HS3ST4: variants seen among roughly 807,000 people sequenced by gnomAD.
HS3ST4 encodes the protein heparan sulfate glucosamine 3-O-sulfotransferase 4.
HS3ST4 carries 17 observed loss-of-function variants against 29.2 expected under a neutral mutation model. That is an observed-to-expected ratio of 0.58 (90% confidence interval 0.40 to 0.87). The LOEUF is 0.87. Ranked by LOEUF, HS3ST4 falls within the 40% of genes least tolerant of loss-of-function variation. The pLI is 0.00. For synonymous variants in HS3ST4, 314 were observed against 285.7 expected, an observed-to-expected ratio of 1.10 and a Z score of -1.00; for missense variants, 627 against 634.5, an observed-to-expected ratio of 0.99 and a Z score of 0.13.
rs146038207 is a variant in HS3ST4, at chr16:25,841,297, G to A, written c.734+148146G>A. Among the ~76,000 whole-genome samples, 615 of 151,558 alleles carry A rather than the reference G, an allele frequency of 4.1e-3. 3 individuals are homozygous for A. The highest frequency in any genetic ancestry group is 0.014 in the African/African-American group (579 of 41,294). On this transcript the variant is annotated intron_variant, in intron 1 of 1. Transcript: ENST00000331351. ...TGGGATTACAGGCGTGAGCCACCACGCCCGGCCACTTTATTTTTTTGAAAC... is the reference window on the plus strand; with the variant it reads ...TGGGATTACAGGCGTGAGCCACCACACCCGGCCACTTTATTTTTTTGAAAC...
chr16:26,087,626 T>C (rs1050627131), intron 1 of HS3ST4, among the ~76,000 whole-genome samples: 3 of 152,178 alleles, frequency 2.0e-5, no homozygotes, highest in African/African-American at 7.2e-5. Context: ...GCTTGGATTA[T>C]TGCAATAAGG....
At chr16:25,751,277 A>G (rs984752678) in intron 1 of HS3ST4, among the ~76,000 whole-genome samples, 2 of 152,032 alleles carry the variant, frequency 1.3e-5, no homozygotes, top group African/African-American at 4.8e-5. Flanking sequence ...GGATGTGTGT[A>G]TTTATGTGTG....
At chr16:26,018,104 G>A (rs554924263) in intron 1 of HS3ST4, among the ~76,000 whole-genome samples, 5 of 152,308 alleles carry the variant, frequency 3.3e-5, no homozygotes, top group Admixed American at 6.5e-5. Flanking sequence ...GTGCTCACTT[G>A]TTGTTCAACC....
chr16:25,779,951 A>T (rs1013521388), intron 1 of HS3ST4, among the ~76,000 whole-genome samples: 1 of 152,186 alleles, frequency 6.6e-6, no homozygotes, highest in Non-Finnish European at 1.5e-5. Flanking sequence ...GTCCATTTCC[A>T]CTGATTTCAT....
chr16:25,787,559 G>T lies in HS3ST4; in HGVS notation c.734+94408G>T, dbSNP rs532548297. Among the ~76,000 whole-genome samples the T allele has an allele frequency of 3.3e-4, 50 of 152,296 alleles. 1 individual carries two copies. The South Asian group carries it at 8.7e-3, about 27-fold the overall frequency. ...TGTTCTTCTAAAATAGGGATATGCT[G>T]CTGCCAGGAGCACCATAAATGGTAG... is the stretch of plus-strand genomic sequence containing the variant. On this transcript the variant is annotated intron_variant, in intron 1 of 1. Coordinates refer to ENST00000331351, the MANE Select transcript of HS3ST4 (RefSeq NM_006040.3).
At chr16:25,973,756 G>GTCTGTACGTCTGCATGAGAATTATACAT (rs1968918063) in intron 1 of HS3ST4, among the ~76,000 whole-genome samples, 1 of 152,170 alleles carries the variant, frequency 6.6e-6, no homozygotes, top group Non-Finnish European at 1.5e-5. Context: ...GACTTTTAAA[G>GTCTGTACGTCTGCATGAGAATTATACAT]AACTTAACAG....
intron 1 of HS3ST4, among the ~76,000 whole-genome samples, chr16:25,742,310 G>C (rs1596558060): frequency 6.6e-6 from 1 of 152,144 alleles, no homozygotes; most frequent in Non-Finnish European, 1.5e-5. Flanking sequence ...TTAGGTACCT[G>C]GGTGGTAAAG....
chr16:25,732,638 G>T (rs1342328561), intron 1 of HS3ST4, among the ~76,000 whole-genome samples: 1 of 152,134 alleles, frequency 6.6e-6, no homozygotes, highest in Non-Finnish European at 1.5e-5. Flanking sequence ...AAATAAGATG[G>T]CTGCAATCAT....
chr16:25,994,507 G>A (rs1969142532), intron 1 of HS3ST4, among the ~76,000 whole-genome samples: 1 of 151,724 alleles, frequency 6.6e-6, no homozygotes, highest in Admixed American at 6.6e-5. Context: ...TTCCCATACT[G>A]CCTTTTGGCT....
At chr16:25,829,354 G>A (rs1238908787) in intron 1 of HS3ST4, among the ~76,000 whole-genome samples, 1 of 152,222 alleles carries the variant, frequency 6.6e-6, no homozygotes, top group East Asian at 1.9e-4. Context: ...TCAGGGCAGA[G>A]TAGGCACATG....
At chr16:25,873,508 A>G (rs150348982) in intron 1 of HS3ST4, among the ~76,000 whole-genome samples, 2 of 144,482 alleles carry the variant, frequency 1.4e-5, no homozygotes, top group African/African-American at 2.7e-5. Context: ...CTATCTATCT[A>G]TCTATCTATC....
At chr16:25,704,531 C>T (rs1286426920) in intron 1 of HS3ST4, among the ~76,000 whole-genome samples, 21 of 152,084 alleles carry the variant, frequency 1.4e-4, no homozygotes, top group Admixed American at 1.4e-3. Flanking sequence ...ATGATCATAG[C>T]TCACAGCAGC....
intron 1 of HS3ST4, among the ~76,000 whole-genome samples, chr16:25,755,119 C>T (rs1966748976): frequency 6.6e-6 from 1 of 151,242 alleles, no homozygotes; most frequent in African/African-American, 2.5e-5. Flanking sequence ...CATCCTTCCA[C>T]CCCTCCACCC....
chr16:25,939,463 G>A (rs534335784), intron 1 of HS3ST4, among the ~76,000 whole-genome samples: 4 of 151,846 alleles, frequency 2.6e-5, no homozygotes, highest in African/African-American at 7.2e-5. Flanking sequence ...TCAGCCTCCC[G>A]AGTAGCTGGG....
At chr16:26,020,863 C>T (rs1245184921) in intron 1 of HS3ST4, among the ~76,000 whole-genome samples, 1 of 152,152 alleles carries the variant, frequency 6.6e-6, no homozygotes, top group Non-Finnish European at 1.5e-5. Flanking sequence ...TAGGTTCAAG[C>T]CCAATCTCTA....
chr16:25,964,708 T>G (rs955261800), intron 1 of HS3ST4, among the ~76,000 whole-genome samples: 1 of 152,196 alleles, frequency 6.6e-6, no homozygotes, highest in African/African-American at 2.4e-5. Context: ...AGTACAATGA[T>G]TCTTGTATAT....
At chr16:26,014,927 A>C (rs1046530430) in intron 1 of HS3ST4, among the ~76,000 whole-genome samples, 2 of 152,348 alleles carry the variant, frequency 1.3e-5, no homozygotes, top group Admixed American at 6.5e-5. Context: ...AAATATTTAG[A>C]GACTTCTTCT....
chr16:25,932,295 A>C (rs1003617783), intron 1 of HS3ST4, among the ~76,000 whole-genome samples: 4 of 152,188 alleles, frequency 2.6e-5, no homozygotes, highest in Non-Finnish European at 5.9e-5. Context: ...GCCTGGCTGC[A>C]GGGCAAGACC....
intron 1 of HS3ST4, among the ~76,000 whole-genome samples, chr16:26,087,027 A>AT (rs775271060): frequency 6.6e-6 from 1 of 152,080 alleles, no homozygotes; most frequent in Non-Finnish European, 1.5e-5. Flanking sequence ...GTTCAGGGAT[A>AT]TTTTTTTCCA....
Sources: allele counts gnomAD v4.1 joint callset (sites outside exome capture counted in the v4.1 genomes callset), GRCh38; gene constraint gnomAD v4.1.1; transcripts MANE v1.5; gene names NCBI Gene and HGNC (gene_info 2026-07-23, HGNC 2026-07-21).